Variants in CCSER1 observed in about 807,000 individuals in gnomAD.
The protein encoded by CCSER1 is serine-rich coiled-coil domain-containing protein 1.
A neutral mutation model predicts 82.0 loss-of-function variants in CCSER1; 41 were observed. That is an observed-to-expected ratio of 0.50 (90% confidence interval 0.39 to 0.65). The LOEUF (loss-of-function observed/expected upper bound fraction) is 0.65. Among genes scored for constraint, CCSER1 ranks in the 30% least tolerant of loss-of-function variants. The probability of loss-of-function intolerance (pLI) is 0.00; values close to 1 mark genes in which losing one functional copy is unlikely to be tolerated. For synonymous variants in CCSER1, 414 were observed against 383.9 expected (o/e 1.08, Z -0.92); for missense variants, 1,119 against 1,064.2 (o/e 1.05, Z -0.72).
chr4:90,504,579 T>C (rs754929592), intron 5 of CCSER1, among the ~76,000 whole-genome samples: 4 of 152,230 alleles, frequency 2.6e-5, no homozygotes, highest in Non-Finnish European at 4.4e-5. Context: ...GGACTGGCCA[T>C]TGTCTCCATG....
chr4:91,398,902 T>C (rs1025088315), intron 10 of CCSER1, among the ~76,000 whole-genome samples: 5 of 151,928 alleles, frequency 3.3e-5, no homozygotes, highest in Non-Finnish European at 7.4e-5. Context: ...TGGACCAGTG[T>C]GCAGACCAGT....
chr4:90,812,550 A>G (rs1356861177), intron 7 of CCSER1, among the ~76,000 whole-genome samples: 4 of 152,206 alleles, frequency 2.6e-5, no homozygotes, highest in Non-Finnish European at 4.4e-5. Context: ...GCACTGTAAC[A>G]TGGATATTGG....
chr4:90,720,737 G>T (rs144517384), intron 6 of CCSER1, among the ~76,000 whole-genome samples: 1 of 152,024 alleles, frequency 6.6e-6, no homozygotes, highest in South Asian at 2.1e-4. Context: ...ATATCAAAAT[G>T]AAGAAGATAA....
intron 9 of CCSER1, among the ~76,000 whole-genome samples, chr4:91,066,373 A>C (rs1325690274): frequency 6.6e-6 from 1 of 152,200 alleles, no homozygotes; most frequent in South Asian, 2.1e-4. Flanking sequence ...TGAAGCACAG[A>C]GCAGTAAACC....
At chr4:91,350,220 T>C (rs999942416) in intron 10 of CCSER1, among the ~76,000 whole-genome samples, 6 of 152,208 alleles carry the variant, frequency 3.9e-5, no homozygotes, top group African/African-American at 1.4e-4. Context: ...TTAAATTGAA[T>C]TTGCAAAACA....
In CCSER1 at chr4:91,336,784, C is replaced by A. The variant is rs546347271; in HGVS notation, c.2217+250790C>A. ...ACTTTTATCTGATTAAAATTATCTG[C>A]CTATAAAATTATAGAAACATAATGT... is the stretch of plus-strand genomic sequence containing the variant. On this transcript the variant is annotated intron_variant, in intron 10 of 10. Transcript: ENST00000509176. Among the ~76,000 whole-genome samples the A allele has an allele frequency of 4.6e-5, 7 of 152,094 alleles. No individual in the cohort carries two copies. In the South Asian group the frequency reaches 1.0e-3, roughly 23 times the overall value.
At chr4:91,151,550 T>C (rs1481880223) in intron 10 of CCSER1, among the ~76,000 whole-genome samples, 1 of 152,318 alleles carries the variant, frequency 6.6e-6, no homozygotes, top group Admixed American at 6.5e-5. Flanking sequence ...TCTCTAGTTG[T>C]TTTAATTGTG....
chr4:90,635,026 C>T (rs770246524), intron 6 of CCSER1, among the ~76,000 whole-genome samples: 7 of 151,652 alleles, frequency 4.6e-5, no homozygotes, highest in Non-Finnish European at 8.9e-5. Context: ...GAAGACACAG[C>T]AATCAAACAT....
intron 9 of CCSER1, chr4:90,923,658 T>A: frequency 2.4e-6 from 1 of 421,540 alleles, no homozygotes; most frequent in East Asian, 3.7e-5. Flanking sequence ...GCCTTATTAA[T>A]TTTTTTACAT....
chr4:91,083,094 A>G (rs566364409), intron 9 of CCSER1, among the ~76,000 whole-genome samples: 5 of 152,344 alleles, frequency 3.3e-5, no homozygotes, highest in South Asian at 4.1e-4. Flanking sequence ...TCATGCTGCT[A>G]TAAAGACACA....
intron 5 of CCSER1, among the ~76,000 whole-genome samples, chr4:90,569,758 C>T (rs1296829216): frequency 6.6e-6 from 1 of 152,210 alleles, no homozygotes; most frequent in Non-Finnish European, 1.5e-5. Flanking sequence ...TGAGTGGCTA[C>T]AGCTCCTGCT....
intron 10 of CCSER1, among the ~76,000 whole-genome samples, chr4:91,086,424 G>T (rs1278321346): frequency 6.6e-6 from 1 of 152,044 alleles, no homozygotes; most frequent in Non-Finnish European, 1.5e-5. Context: ...TACTAGGTTG[G>T]TATGCATTAT....
At chr4:91,543,796 G>C (rs1315280585) in intron 10 of CCSER1, among the ~76,000 whole-genome samples, 1 of 151,962 alleles carries the variant, frequency 6.6e-6, no homozygotes, top group East Asian at 1.9e-4. Flanking sequence ...TGCTCTTCTC[G>C]AGGAGTATCT....
chr4:91,083,889 T>C (rs958320720), intron 9 of CCSER1, among the ~76,000 whole-genome samples: 1 of 152,102 alleles, frequency 6.6e-6, no homozygotes, highest in Non-Finnish European at 1.5e-5. Context: ...AATATATAAT[T>C]TGAGTTCCAG....
At chr4:90,722,100 G>T (rs1250814173) in intron 6 of CCSER1, among the ~76,000 whole-genome samples, 1 of 151,626 alleles carries the variant, frequency 6.6e-6, no homozygotes, top group Non-Finnish European at 1.5e-5. Context: ...AGTTTACCAT[G>T]AACCTTGACT....
chr4:90,266,148 A>G (rs1469896525), intron 1 of CCSER1, among the ~76,000 whole-genome samples: 1 of 152,200 alleles, frequency 6.6e-6, no homozygotes, highest in Non-Finnish European at 1.5e-5. Flanking sequence ...GACAGGAACC[A>G]CTATCATTTA....
At chr4:91,114,777 G>C (rs1726403195) in intron 10 of CCSER1, among the ~76,000 whole-genome samples, 1 of 152,178 alleles carries the variant, frequency 6.6e-6, no homozygotes, top group Non-Finnish European at 1.5e-5. Context: ...TAACCTTTCT[G>C]CCAAACTCAT....
At chr4:90,242,916 A>G (rs868156831) in intron 1 of CCSER1, among the ~76,000 whole-genome samples, 16 of 152,172 alleles carry the variant, frequency 1.1e-4, no homozygotes, top group Admixed American at 2.6e-4. Context: ...GGCCCTTTCT[A>G]CTACATAGTG....
intron 7 of CCSER1, among the ~76,000 whole-genome samples, chr4:90,810,520 G>A (rs566334133): frequency 1.5e-4 from 23 of 151,894 alleles, no homozygotes; most frequent in South Asian, 6.2e-4. Context: ...GTGGTGGCAC[G>A]TGCCTGTAAT....
Sources: gnomAD v4.1 joint callset for allele counts (sites outside exome capture counted in the v4.1 genomes callset) on GRCh38, gnomAD v4.1.1 for gene constraint, MANE v1.5 for transcripts, NCBI Gene and HGNC (gene_info 2026-07-23, HGNC 2026-07-21) for gene names.